The following PCDHA4 variants were observed in gnomAD, a reference collection of about 807,000 sequenced individuals.
The protein encoded by PCDHA4 is protocadherin alpha-4.
PCDHA4 carries 49 observed loss-of-function variants against 61.4 expected under a neutral mutation model. That is an observed-to-expected ratio of 0.80 (90% CI 0.63 to 1.01). The LOEUF (loss-of-function observed/expected upper bound fraction) is 1.01, where lower values mean the gene tolerates loss of function less well. Ranked by LOEUF, PCDHA4 falls within the 50% of genes least tolerant of loss-of-function variation. The pLI is 0.00. For missense variants in PCDHA4, 1,254 were observed against 1,235.8 expected (o/e 1.01, Z -0.22); for synonymous variants, 590 against 550.3 (o/e 1.07, Z -1.01).
chr5:140,963,307 C>G (rs2095756240), intron 1 of PCDHA4, among the ~76,000 whole-genome samples: 1 of 152,062 alleles, frequency 6.6e-6, no homozygotes, highest in African/African-American at 2.4e-5. Context: ...AAATAAGAAG[C>G]TGTTTGTATT....
chr5:140,821,911 C>T lies in PCDHA4; in HGVS notation c.2385+12339C>T, dbSNP rs2150111872. ...AGCCAAACACGGAACCTTCGTTGGC[C>T]GCATCGCGCAGGACCTAGGGCTGGA... On this transcript the variant is annotated intron_variant, in intron 1 of 3. Transcript: ENST00000530339. 1.1e-5 allele frequency: 18 copies of T among 1,614,234 alleles called. No individual in the cohort carries two copies. In the East Asian group the frequency reaches 3.3e-4, roughly 30 times the overall value.
At position 140,856,216 on chromosome 5, in the gene PCDHA4, G is replaced by A. The variant is rs782147679; in HGVS notation, c.2385+46644G>A. ...CGCAGGACCTGGGGCTGGAGCTGGC[G>A]GAGCTGGTGCAGCGCCTGTTCCGGG... On this transcript the variant is annotated intron_variant, in intron 1 of 3. Coordinates refer to ENST00000530339, the MANE Select transcript of PCDHA4 (RefSeq NM_018907.4). The A allele has an allele frequency of 8.1e-6, 13 of 1,597,922 alleles. 1 individual carries two copies. The Admixed American group carries it at 1.5e-4, about 19-fold the overall frequency.
At chr5:140,834,546 G>C in intron 1 of PCDHA4, 1 of 1,614,062 alleles carries the variant, frequency 6.2e-7, no homozygotes, top group South Asian at 1.1e-5. Flanking sequence ...CCTGGGGCTG[G>C]AGCTGGCGGA....
At position 140,828,273 on chromosome 5, in the gene PCDHA4, C is replaced by T. The variant is rs2150153408; in HGVS notation, c.2385+18701C>T. ...GGGCTGGAGCTGGCGGAGCTGGTGC[C>T]GCGCCTGTTCAGGATGGCCTCCAAA... On this transcript the variant is annotated intron_variant, in intron 1 of 3. Transcript: ENST00000530339. The T allele has an allele frequency of 1.2e-5, 19 of 1,614,048 alleles. No individual in the cohort carries two copies. The highest frequency in any genetic ancestry group is 1.7e-5 in the Admixed American group (1 of 60,030).
chr5:140,863,884 C>T (rs1388458800), intron 1 of PCDHA4: 1 of 167,076 alleles, frequency 6.0e-6, no homozygotes, highest in Non-Finnish European at 1.3e-5. Flanking sequence ...ACCTGTAATC[C>T]CAGCTACTCA....
chr5:140,828,172 G>T, intron 1 of PCDHA4: 4 of 1,614,172 alleles, frequency 2.5e-6, no homozygotes, highest in South Asian at 2.2e-5. Context: ...GGAAGGTGGG[G>T]AGCGGCCAGC....
At chr5:141,007,878 C>G (rs1316002060) in intron 3 of PCDHA4, among the ~76,000 whole-genome samples, 5 of 152,212 alleles carry the variant, frequency 3.3e-5, no homozygotes, top group African/African-American at 7.2e-5. Flanking sequence ...TTGTCTTACA[C>G]TTCTTTAAAA....
intron 3 of PCDHA4, among the ~76,000 whole-genome samples, chr5:140,996,953 TCCCTCAATC>T (rs1554255576): frequency 6.6e-6 from 1 of 152,202 alleles, no homozygotes; most frequent in Non-Finnish European, 1.5e-5. Flanking sequence ...AATATTTATT[TCCCTCAATC>T]CCACTCCCCT....
intron 1 of PCDHA4, among the ~76,000 whole-genome samples, chr5:140,819,976 T>G (rs1554127771): frequency 6.6e-6 from 1 of 152,034 alleles, no homozygotes; most frequent in Non-Finnish European, 1.5e-5. Flanking sequence ...AAAGGTTATC[T>G]TTGTGTATTT....
rs2098416892 is a variant in PCDHA4, at chr5:141,010,305, G to A, written c.*368G>A. ...TGACACTTGCAGGGCAGGCTGAAAA[G>A]TTTTGAGATTGAGCAGCTTGGGAGT... is the stretch of plus-strand genomic sequence containing the variant. On this transcript the variant is annotated 3_prime_UTR_variant, in exon 4 of 4. Coordinates refer to ENST00000530339, the MANE Select transcript of PCDHA4 (RefSeq NM_018907.4). 1 of 1,548,478 alleles carries A rather than the reference G, an allele frequency of 6.5e-7. No individual in the cohort carries two copies. The highest frequency in any genetic ancestry group is 2.4e-5 in the East Asian group (1 of 40,890).
chr5:140,982,267 A>T, intron 2 of PCDHA4: 4 of 883,458 alleles, frequency 4.5e-6, no homozygotes, highest in Non-Finnish European at 6.5e-6. Context: ...GTGTTCCTGG[A>T]ATAGTATAGC....
At chr5:140,870,423 A>G in intron 1 of PCDHA4, 2 of 1,614,178 alleles carry the variant, frequency 1.2e-6, no homozygotes, top group African/African-American at 1.3e-5. Flanking sequence ...CGGCCAGGGT[A>G]TCCGTGGAGG....
chr5:140,825,779 T>C (rs1474440302), intron 1 of PCDHA4: 1 of 152,494 alleles, frequency 6.6e-6, no homozygotes, highest in Non-Finnish European at 1.5e-5. Context: ...CAAATTCTAC[T>C]ATATTTTGGT....
intron 1 of PCDHA4, chr5:140,822,655 A>T (rs2150118230): frequency 1.2e-6 from 2 of 1,608,946 alleles, no homozygotes; most frequent in East Asian, 4.5e-5. Context: ...CAAATTTATA[A>T]TTAATTCTAA....
intron 1 of PCDHA4, among the ~76,000 whole-genome samples, chr5:140,900,724 C>T (rs552317505): frequency 2.0e-5 from 3 of 152,296 alleles, no homozygotes; most frequent in Admixed American, 1.3e-4. Flanking sequence ...GAAATCCTAC[C>T]TAGCAGTGGG....
chr5:140,875,206 A>G (rs1554167551), intron 1 of PCDHA4: 2 of 644,508 alleles, frequency 3.1e-6, no homozygotes, highest in South Asian at 3.9e-5. Context: ...AAGTGGCTAA[A>G]CCGAAAAGAA....
chr5:140,808,497 C>G lies in PCDHA4; in HGVS notation c.1310C>G (p.Ala437Gly). ...GACGGGGGCTCGCCTTCGCTGTGGG[C>G]CACGGCCAGTGTTTCTGTGGAGGTG... The part of the protein sequence containing the change: ...ARDGGSPSLW[A>G]TASVSVEVAD... The change falls in exon 1 of 4, where the codon GCC becomes GGC. Residue 437 changes from alanine (A) to glycine (G), a missense_variant. Transcript: ENST00000530339. The G allele has an allele frequency of 6.2e-7, 1 of 1,614,154 alleles. No individual in the cohort carries two copies. The highest frequency in any genetic ancestry group is 1.3e-5 in the African/African-American group (1 of 75,076).
At chr5:140,925,955 G>A (rs1350124934) in intron 1 of PCDHA4, among the ~76,000 whole-genome samples, 1 of 152,076 alleles carries the variant, frequency 6.6e-6, no homozygotes, top group Non-Finnish European at 1.5e-5. Context: ...AGGAGAAACT[G>A]CTATCACGCA....
chr5:140,858,664 A>G (rs972477672), intron 1 of PCDHA4: 1 of 728,612 alleles, frequency 1.4e-6, no homozygotes, highest in African/African-American at 1.8e-5. Flanking sequence ...TTTAAATAAC[A>G]ATTTATTCTG....
Sources: allele counts gnomAD v4.1 joint callset (sites outside exome capture counted in the v4.1 genomes callset), GRCh38; gene constraint gnomAD v4.1.1; transcripts MANE v1.5; gene names NCBI Gene and HGNC (gene_info 2026-07-23, HGNC 2026-07-21).